Variants in GRIK4 observed in about 807,000 individuals in gnomAD.
GRIK4 encodes the protein glutamate receptor ionotropic, kainate 4.
In GRIK4, 40 loss-of-function variants were observed where a neutral mutation model predicts 104.9. The observed-to-expected ratio is 0.38, with a 90% confidence interval of 0.30 to 0.50. GRIK4 has a LOEUF of 0.50. Ranked by LOEUF, GRIK4 falls within the 20% of genes least tolerant of loss-of-function variation. The pLI is 0.93. For missense variants in GRIK4, 1,047 were observed against 1,308.1 expected (o/e 0.80, Z 3.08); for synonymous variants, 485 against 524.9 (o/e 0.92, Z 1.04).
At chr11:120,612,876 C>T (rs560242564) in intron 1 of GRIK4, among the ~76,000 whole-genome samples, 9 of 152,072 alleles carry the variant, frequency 5.9e-5, no homozygotes, top group African/African-American at 1.4e-4. Context: ...GAGCCCTGAG[C>T]GGGGCAGGGA....
chr11:120,766,256 G>A (rs1166741978), intron 3 of GRIK4, among the ~76,000 whole-genome samples: 1 of 152,190 alleles, frequency 6.6e-6, no homozygotes. Flanking sequence ...ACACTGTAAG[G>A]GGAAAACCTC....
chr11:120,796,281 C>T (rs1235126843), intron 3 of GRIK4, among the ~76,000 whole-genome samples: 1 of 152,056 alleles, frequency 6.6e-6, no homozygotes, highest in Non-Finnish European at 1.5e-5. Context: ...GTGATCCGCC[C>T]GCCTCAGCCT....
intron 3 of GRIK4, among the ~76,000 whole-genome samples, chr11:120,795,369 C>T (rs1253236440): frequency 6.6e-6 from 1 of 152,186 alleles, no homozygotes; most frequent in East Asian, 1.9e-4. Context: ...CCGGGGGACC[C>T]TGGAGGCCTC....
intron 1 of GRIK4, chr11:120,515,028 G>A (rs1486263360): frequency 2.2e-6 from 1 of 456,748 alleles, no homozygotes; most frequent in South Asian, 1.5e-5. Flanking sequence ...GCAGCCGTCA[G>A]TGGCAGTGCC....
chr11:120,926,730 G>T (rs1334954545), intron 13 of GRIK4, among the ~76,000 whole-genome samples: 2 of 152,136 alleles, frequency 1.3e-5, no homozygotes, highest in Non-Finnish European at 2.9e-5. Flanking sequence ...AAATATTTAT[G>T]TAGTGCCTGG....
chr11:120,833,153 TTC>T (rs1953477773), intron 7 of GRIK4, among the ~76,000 whole-genome samples: 1 of 151,588 alleles, frequency 6.6e-6, no homozygotes, highest in African/African-American at 2.4e-5. Flanking sequence ...TTTGAATGAG[TTC>T]TCTCAGTACT....
At chr11:120,712,792 G>A (rs1192829936) in intron 3 of GRIK4, among the ~76,000 whole-genome samples, 2 of 152,276 alleles carry the variant, frequency 1.3e-5, no homozygotes, top group African/African-American at 2.4e-5. Flanking sequence ...GATTCTTCAC[G>A]ATGGCCCTTT....
intron 3 of GRIK4, among the ~76,000 whole-genome samples, chr11:120,675,525 T>C (rs1271552710): frequency 1.3e-5 from 2 of 152,218 alleles, no homozygotes; most frequent in African/African-American, 4.8e-5. Flanking sequence ...ACAGGTGAAG[T>C]AGCATGCACA....
At chr11:120,843,514 G>T (rs1384096691) in intron 8 of GRIK4, among the ~76,000 whole-genome samples, 1 of 152,226 alleles carries the variant, frequency 6.6e-6, no homozygotes, top group Non-Finnish European at 1.5e-5. Context: ...TGGGTGTATG[G>T]CAATATCAAT....
intron 13 of GRIK4, among the ~76,000 whole-genome samples, chr11:120,926,823 C>A (rs936027217): frequency 2.6e-5 from 4 of 152,170 alleles, no homozygotes; most frequent in African/African-American, 4.8e-5. Flanking sequence ...GCACTCTAGA[C>A]AATCAACAGG....
intron 1 of GRIK4, among the ~76,000 whole-genome samples, chr11:120,573,279 A>C (rs1320317904): frequency 6.6e-6 from 1 of 152,228 alleles, no homozygotes; most frequent in African/African-American, 2.4e-5. Context: ...ATAAACCTTT[A>C]GTCATCTGTG....
At chr11:120,706,769 C>T (rs1319619075) in intron 3 of GRIK4, among the ~76,000 whole-genome samples, 1 of 152,204 alleles carries the variant, frequency 6.6e-6, no homozygotes, top group Admixed American at 6.5e-5. Flanking sequence ...GTAGGGATGG[C>T]AACTGGTTCT....
At chr11:120,959,407 C>G (rs1944238637) in intron 16 of GRIK4, among the ~76,000 whole-genome samples, 1 of 152,216 alleles carries the variant, frequency 6.6e-6, no homozygotes, top group Non-Finnish European at 1.5e-5. Flanking sequence ...ACCTGCTGCT[C>G]TTGAAAATCT....
chr11:120,547,546 A>C (rs1281160624), intron 1 of GRIK4, among the ~76,000 whole-genome samples: 1 of 151,890 alleles, frequency 6.6e-6, no homozygotes, highest in Non-Finnish European at 1.5e-5. Context: ...AGGGGTTGGC[A>C]CCAGAGGAGC....
chr11:120,612,384 A>G (rs1053207723), intron 1 of GRIK4, among the ~76,000 whole-genome samples: 2 of 152,196 alleles, frequency 1.3e-5, no homozygotes, highest in Non-Finnish European at 2.9e-5. Context: ...ATTCCGTGAG[A>G]GCAAGGATTT....
At chr11:120,863,564 T>C (rs372133609) in intron 9 of GRIK4, among the ~76,000 whole-genome samples, 75 of 152,338 alleles carry the variant, frequency 4.9e-4, no homozygotes, top group African/African-American at 1.8e-3. Context: ...GGCGGAATGA[T>C]GAGTTACAGA....
chr11:120,954,772 T>TC (rs1944095919), intron 15 of GRIK4, among the ~76,000 whole-genome samples: 1 of 144,026 alleles, frequency 6.9e-6, no homozygotes, highest in Non-Finnish European at 1.5e-5. Context: ...ATACGGCCTC[T>TC]CTCTCTCACT....
At chr11:120,660,149 C>G (rs189662922) in intron 2 of GRIK4, 120 bp from the exon 3 acceptor site, 1 of 597,784 alleles carries the variant, frequency 1.7e-6, no homozygotes, top group African/African-American at 1.9e-5. Context: ...CTTCTTTGAG[C>G]CCGGCATGTA....
chr11:120,921,175 AG>A (rs1943220362), intron 13 of GRIK4, among the ~76,000 whole-genome samples: 1 of 152,192 alleles, frequency 6.6e-6, no homozygotes, highest in South Asian at 2.1e-4. Context: ...TGATCTTCAA[AG>A]AAATTATTAC....
Sources: allele counts gnomAD v4.1 joint callset (sites outside exome capture counted in the v4.1 genomes callset), GRCh38; gene constraint gnomAD v4.1.1; transcripts MANE v1.5; gene names NCBI Gene and HGNC (gene_info 2026-07-23, HGNC 2026-07-21).